The following SEC61A2 variants were observed in gnomAD, a reference collection of about 807,000 sequenced individuals.
SEC61A2 encodes the protein SEC61 translocon subunit alpha 2, also known as protein transport protein Sec61 subunit alpha isoform 2.
SEC61A2 carries 28 observed loss-of-function variants against 59.9 expected under a neutral mutation model. The ratio of observed to expected loss-of-function variants is 0.47; its 90% CI spans 0.35 to 0.64. SEC61A2 has a LOEUF of 0.64. Among genes scored for constraint, SEC61A2 ranks in the 30% least tolerant of loss-of-function variants. The pLI, the probability that SEC61A2 is intolerant of heterozygous loss-of-function variation, is 0.01. For synonymous variants in SEC61A2, 202 were observed against 214.4 expected (o/e 0.94, Z 0.50); for missense variants, 340 against 585.9 (o/e 0.58, Z 4.33).
At chr10:12,137,619 A>G (rs1031254141) in intron 3 of SEC61A2, among the ~76,000 whole-genome samples, 1 of 152,202 alleles carries the variant, frequency 6.6e-6, no homozygotes, top group Admixed American at 6.6e-5. Context: ...GATACTTTCA[A>G]ATAAAATGTT....
rs745808098 is a variant in SEC61A2, at chr10:12,133,263, A to G, written c.30A>G (p.Lys10=). 5.8e-6 allele frequency: 9 copies of G among 1,550,812 alleles called. No homozygotes were observed. Among genetic ancestry groups the G allele is most frequent in the African/African-American group, 1.4e-5 (1 of 73,412 alleles). The change falls in exon 2 of 12, where the codon AAA becomes AAG. Residue 10 remains lysine (K), a synonymous_variant. Transcript: ENST00000298428. The part of the protein sequence containing the change: MGIKFLEVI[K]PFCAVLPEIQ... ...CAGTCAAATTTTTAGAAGTTATCAAACCATTCTGTGCAGTTCTACCAGAAA... is the reference window on the plus strand; with the variant it reads ...CAGTCAAATTTTTAGAAGTTATCAAGCCATTCTGTGCAGTTCTACCAGAAA...
chr10:12,143,302 T>C lies in SEC61A2; in HGVS notation c.220+107T>C. 3.6e-6 allele frequency: 3 copies of C among 822,194 alleles called. No individual in the cohort carries two copies. The South Asian group carries it at 4.1e-5, about 11-fold the overall frequency. 50.9% of individuals were successfully genotyped at this position (822,194 alleles called of 1,614,324 possible). On this transcript the variant is annotated intron_variant, in intron 4 of 11. Coordinates refer to ENST00000298428, the MANE Select transcript of SEC61A2 (RefSeq NM_018144.4). This position sits in a 1 kb window ranked among gnomAD's most constrained non-coding sequence, Gnocchi z 4.8. ...TCTACAGGGAGGGGGAGGATATCAT[T>C]GCCTAGAAAAGCCTAGTATGTAGAT...
intron 1 of SEC61A2, among the ~76,000 whole-genome samples, chr10:12,130,388 G>A (rs1039635565): frequency 6.6e-5 from 10 of 152,154 alleles, no homozygotes; most frequent in African/African-American, 2.4e-4. Context: ...CCCCACATAT[G>A]TGCACGTAGC....
At chr10:12,138,166 C>G (rs1423233147) in intron 3 of SEC61A2, among the ~76,000 whole-genome samples, 3 of 151,862 alleles carry the variant, frequency 2.0e-5, no homozygotes, top group Non-Finnish European at 2.9e-5. Flanking sequence ...TGGAGAAAAC[C>G]TAACTATATT....
rs1271450882 is a variant in SEC61A2, at chr10:12,154,090, G to A, written c.463-1688G>A. On this transcript the variant is annotated intron_variant, in intron 6 of 11. Transcript: ENST00000298428. This position sits in a 1 kb window ranked among gnomAD's most constrained non-coding sequence, Gnocchi z 5.2. ...AAATGTTAAGTGCCATGTTTATACC[G>A]GCTCATCATACATGTCGTCCATTCC... Among the ~76,000 whole-genome samples, 5 of 152,188 alleles carry A rather than the reference G, an allele frequency of 3.3e-5. No individual in the cohort carries two copies. The highest frequency in any genetic ancestry group is 5.9e-5 in the Non-Finnish European group (4 of 68,030).
chr10:12,149,405 C>G lies in SEC61A2; in HGVS notation c.221-190C>G, dbSNP rs1266252790. On this transcript the variant is annotated intron_variant, in intron 4 of 11. Coordinates refer to ENST00000298428, the MANE Select transcript of SEC61A2 (RefSeq NM_018144.4). This position sits in a 1 kb window ranked among gnomAD's most constrained non-coding sequence, Gnocchi z 5.2. ...TGCCAAGCCTATAGTACTTTTTATT[C>G]AGGGCATTGCTGCAGGATTGTGTTA... 6.6e-6 allele frequency among the ~76,000 whole-genome samples: 1 copy of G among 152,144 alleles called. No homozygotes were observed. Among genetic ancestry groups the G allele is most frequent in the South Asian group, 2.1e-4 (1 of 4,826 alleles).
chr10:12,149,142 T>C lies in SEC61A2; in HGVS notation c.221-453T>C, dbSNP rs1834219622. On this transcript the variant is annotated intron_variant, in intron 4 of 11. Coordinates refer to ENST00000298428, the MANE Select transcript of SEC61A2 (RefSeq NM_018144.4). This position sits in a 1 kb window ranked among gnomAD's most constrained non-coding sequence, Gnocchi z 5.2. ...TCTCACTCTGTTGCCCGGGCTGGAG[T>C]GCAGTGGCGCAATCTCGGCTTACTG... is the stretch of plus-strand genomic sequence containing the variant. Among the ~76,000 whole-genome samples, 1 of 152,060 alleles carries C rather than the reference T, an allele frequency of 6.6e-6. No individual in the cohort carries two copies. Among genetic ancestry groups the C allele is most frequent in the African/African-American group, 2.4e-5 (1 of 41,400 alleles).
At chr10:12,133,905 A>G (rs1296142227) in intron 2 of SEC61A2, among the ~76,000 whole-genome samples, 1 of 152,270 alleles carries the variant, frequency 6.6e-6, no homozygotes, top group Admixed American at 6.5e-5. Context: ...CAATTTCTAG[A>G]AATTCTTCAT....
Position 12,153,968 on chromosome 10 carries a change from G to T in SEC61A2, c.463-1810G>T. 1 of 603,044 alleles carries T rather than the reference G, an allele frequency of 1.7e-6. No homozygotes were observed. Among genetic ancestry groups the T allele is most frequent in the Non-Finnish European group, 2.8e-6 (1 of 362,102 alleles). 37.4% of individuals were successfully genotyped at this position (603,044 alleles called of 1,614,324 possible). ...TTTAAAAAACTATTAGAGAATATCA[G>T]TGTGCATGGCACATAATAAAGGTAA... On this transcript the variant is annotated intron_variant, in intron 6 of 11. Transcript: ENST00000298428. This position sits in a 1 kb window ranked among gnomAD's most constrained non-coding sequence, Gnocchi z 5.2.
Position 12,156,244 on chromosome 10 carries a change from G to A in SEC61A2, c.616+313G>A, listed in dbSNP as rs1172665137. On this transcript the variant is annotated intron_variant, in intron 7 of 11. Transcript: ENST00000298428. The surrounding 1 kb of genome is among the most constrained non-coding windows in gnomAD (Gnocchi z 5.2). The stretch of plus-strand genomic sequence containing the variant: ...ATTTATTTGACTGATTTCAGCATCC[G>A]TAGGGGGATAAAAAGGTAGTGGATT... Among the ~76,000 whole-genome samples the A allele has an allele frequency of 2.6e-5, 4 of 152,206 alleles. No individual in the cohort carries two copies. Among genetic ancestry groups the A allele is most frequent in the South Asian group, 4.1e-4 (2 of 4,836 alleles).
chr10:12,135,191 T>G (rs1833857953), intron 2 of SEC61A2, among the ~76,000 whole-genome samples: 1 of 151,908 alleles, frequency 6.6e-6, no homozygotes, highest in South Asian at 2.1e-4. Flanking sequence ...GGACAAATAC[T>G]AATGCATGCG....
intron 1 of SEC61A2, among the ~76,000 whole-genome samples, chr10:12,132,215 C>G (rs979548500): frequency 4.6e-5 from 7 of 151,652 alleles, no homozygotes; most frequent in Non-Finnish European, 1.5e-5. Context: ...GCAGGAGAAT[C>G]ACTTGAACCC....
rs1564415478 is a variant in SEC61A2 at position 12,157,889 on chromosome 10, T to A, written c.778-19T>A. ...TAATGTGTCTGGCTCCCCCACTTAC[T>A]CTCCGTTTCCTTTTTTAGGGATTTC... On this transcript the variant is annotated intron_variant, in intron 8 of 11. Coordinates refer to ENST00000298428, the MANE Select transcript of SEC61A2 (RefSeq NM_018144.4). The A allele has an allele frequency of 6.2e-7, 1 of 1,613,006 alleles. No individual in the cohort carries two copies. The highest frequency in any genetic ancestry group is 8.5e-7 in the Non-Finnish European group (1 of 1,179,018).
rs202026816 is a variant in SEC61A2 at position 12,164,218 on chromosome 10, G to A, written c.1245-50G>A. 32 of 1,602,202 alleles carry A rather than the reference G, an allele frequency of 2.0e-5. No homozygotes were observed. Among genetic ancestry groups the A allele is most frequent in the Middle Eastern group, 4.5e-4 (2 of 4,450 alleles). On this transcript the variant is annotated intron_variant, in intron 11 of 11. Transcript: ENST00000298428. The surrounding 1 kb of genome is among the most constrained non-coding windows in gnomAD (Gnocchi z 7.3). ...CGACCTGTCTTCGTCTCTAGCTGCC[G>A]TGCTGTTCCTGGTCTCTGCTGCCGC...
At chr10:12,166,927 G>A (rs2131691505), downstream of SEC61A2, 1 of 286,018 alleles carries the variant, frequency 3.5e-6, no homozygotes, top group South Asian at 3.2e-5. Context: ...TCTGTTCATG[G>A]TTTAACATCA....
rs533780105 is a variant in SEC61A2, at chr10:12,160,749, G to A, written c.976-181G>A. Among the ~76,000 whole-genome samples the A allele has an allele frequency of 2.0e-4, 30 of 152,242 alleles. No individual in the cohort carries two copies. The highest frequency in any genetic ancestry group is 3.9e-4 in the East Asian group (2 of 5,182). On this transcript the variant is annotated intron_variant, in intron 9 of 11. Transcript: ENST00000298428. This position sits in a 1 kb window ranked among gnomAD's most constrained non-coding sequence, Gnocchi z 4.1. ...GTCTTGCATGTAATAGGTGTTCATC[G>A]TATAACTTTGAAGGAGTGAAGGTAG...
intron 1 of SEC61A2, among the ~76,000 whole-genome samples, chr10:12,131,173 G>A (rs10752256): frequency 0.54 from 82,034 of 152,100 alleles, 22,191 homozygotes; most frequent in South Asian, 0.7. Flanking sequence ...ACTCCGTCTC[G>A]AAATAAACAA....
rs1192778652 is a variant in SEC61A2 at position 12,152,690 on chromosome 10, C to T, written c.462+2729C>T. On this transcript the variant is annotated intron_variant, in intron 6 of 11. Coordinates refer to ENST00000298428, the MANE Select transcript of SEC61A2 (RefSeq NM_018144.4). The surrounding 1 kb of genome is among the most constrained non-coding windows in gnomAD (Gnocchi z 5.5). ...CGGGCGGATCACGAGGTCAGGAGAT[C>T]GAGACCATCCTGGCCAACATGGTGA... Among the ~76,000 whole-genome samples the T allele has an allele frequency of 6.6e-6, 1 of 151,606 alleles. No individual in the cohort carries two copies. Among genetic ancestry groups the T allele is most frequent in the Non-Finnish European group, 1.5e-5 (1 of 67,934 alleles).
Position 12,156,882 on chromosome 10 carries a change from G to T in SEC61A2, c.617-25G>T. On this transcript the variant is annotated intron_variant, in intron 7 of 11. Transcript: ENST00000298428. This position sits in a 1 kb window ranked among gnomAD's most constrained non-coding sequence, Gnocchi z 5.2. ...GACAGCTTTGGACGATGAGTCCACA[G>T]GTCGTGTCTGTCTTGATTTTACAGG... The T allele has an allele frequency of 6.2e-7, 1 of 1,612,504 alleles. No individual in the cohort carries two copies. The highest frequency in any genetic ancestry group is 8.5e-7 in the Non-Finnish European group (1 of 1,179,500).
Sources: allele counts gnomAD v4.1 joint callset (sites outside exome capture counted in the v4.1 genomes callset), GRCh38; gene constraint gnomAD v4.1.1; non-coding constraint Gnocchi (gnomAD v3.1); transcripts MANE v1.5; gene names NCBI Gene and HGNC (gene_info 2026-07-23, HGNC 2026-07-21).